Variants in TBC1D16 observed in about 807,000 individuals in gnomAD.
TBC1D16 encodes CTD-2529O21.1.
A neutral mutation model predicts 74.7 loss-of-function variants in TBC1D16; 58 were observed. The observed-to-expected ratio is 0.78, with a 90% CI of 0.63 to 0.97. TBC1D16 has a LOEUF of 0.97. Ranked by LOEUF, TBC1D16 falls within the 50% of genes least tolerant of loss-of-function variation. The pLI, the probability that TBC1D16 is intolerant of heterozygous loss-of-function variation, is 0.00. For synonymous variants in TBC1D16, 493 were observed against 474.7 expected, an observed-to-expected ratio of 1.04 and a Z score of -0.50; for missense variants, 1,014 against 1,079.5, an observed-to-expected ratio of 0.94 and a Z score of 0.85.
In TBC1D16 at chr17:80,009,166, A is replaced by G. The variant is rs2035786575; in HGVS notation, c.779+994T>C. Among the ~76,000 whole-genome samples the G allele has an allele frequency of 6.6e-6, 1 of 152,254 alleles. No individual in the cohort carries two copies. The highest frequency in any genetic ancestry group is 2.4e-5 in the African/African-American group (1 of 41,476). The stretch of plus-strand genomic sequence containing the variant: ...GGCGAGACCCAGACCACCCACGTCC[A>G]GCATGCGCCCGGCTCACACCACGAG... On this transcript the variant is annotated intron_variant, in intron 3 of 11. Coordinates refer to ENST00000310924, the MANE Select transcript of TBC1D16 (RefSeq NM_019020.4). The surrounding 1 kb of genome is among the most constrained non-coding windows in gnomAD (Gnocchi z 5.4).
chr17:79,952,415 C>T (rs1019890705), intron 4 of TBC1D16, among the ~76,000 whole-genome samples: 1 of 152,242 alleles, frequency 6.6e-6, no homozygotes, highest in Non-Finnish European at 1.5e-5. Context: ...CAACCGCTGG[C>T]TACCATCACG....
intron 3 of TBC1D16, among the ~76,000 whole-genome samples, chr17:79,972,079 T>C (rs1631707): frequency 0.77 from 116,588 of 152,168 alleles, 45,307 homozygotes; most frequent in East Asian, 0.93. Context: ...GGCCAGAGGC[T>C]GAAGCAGCCC....
chr17:79,937,594 C>G lies in TBC1D16; in HGVS notation c.*3265G>C, dbSNP rs1305733019. On this transcript the variant is annotated 3_prime_UTR_variant, in exon 12 of 12. Transcript: ENST00000310924. Reference sequence around the variant, plus strand: ...TCCCCCGCAGGGGTGGGCTGGGGCCCTCCCTCCCTCTGTACTTGATCCATG... The same window carrying G: ...TCCCCCGCAGGGGTGGGCTGGGGCCGTCCCTCCCTCTGTACTTGATCCATG... 1 of 152,354 alleles carries G rather than the reference C, an allele frequency of 6.6e-6. No individual in the cohort carries two copies. Among genetic ancestry groups the G allele is most frequent in the Non-Finnish European group, 1.5e-5 (1 of 68,138 alleles). The allele number at this position is 152,354 out of a possible 1,614,324, so 9.4% of individuals were successfully genotyped here.
At chr17:79,945,169 T>G in intron 9 of TBC1D16, 82 bp from the exon 10 acceptor site, 3 of 1,412,668 alleles carry the variant, frequency 2.1e-6, no homozygotes, top group Non-Finnish European at 2.8e-6. Flanking sequence ...ACTGGGGCCC[T>G]TCCCTGGGCC....
chr17:79,955,087 G>C (rs1252661267), intron 3 of TBC1D16, among the ~76,000 whole-genome samples: 2 of 152,210 alleles, frequency 1.3e-5, no homozygotes, highest in South Asian at 4.1e-4. Flanking sequence ...CGTGCCTCCA[G>C]GCAGGAGTTG....
rs1274113017 is a variant in TBC1D16 at position 79,990,560 on chromosome 17, C to T, written c.779+19600G>A. On this transcript the variant is annotated intron_variant, in intron 3 of 11. Coordinates refer to ENST00000310924, the MANE Select transcript of TBC1D16 (RefSeq NM_019020.4). This position sits in a 1 kb window ranked among gnomAD's most constrained non-coding sequence, Gnocchi z 4.8. ...TCCCAGTCACCTTAAAAGGTCTTAA[C>T]TGATTTTTCCTTCTCTCTGTTTATT... Among the ~76,000 whole-genome samples the T allele has an allele frequency of 6.6e-6, 1 of 152,246 alleles. No individual in the cohort carries two copies. The highest frequency in any genetic ancestry group is 1.9e-4 in the East Asian group (1 of 5,198).
At chr17:79,970,209 T>C (rs187437646) in intron 3 of TBC1D16, among the ~76,000 whole-genome samples, 136 of 152,306 alleles carry the variant, frequency 8.9e-4, no homozygotes, top group African/African-American at 3.2e-3. Flanking sequence ...TGATTTCATT[T>C]ATATGAAATA....
chr17:79,951,471 G>A lies in TBC1D16; in HGVS notation c.1068C>T (p.Thr356=), dbSNP rs546279816. 9.3e-6 allele frequency: 15 copies of A among 1,613,700 alleles called. No homozygotes were observed. The highest frequency in any genetic ancestry group is 1.6e-4 in the Middle Eastern group (1 of 6,072). Residue 356 remains threonine (T), a synonymous_variant, in exon 5 of 12, where the codon ACC becomes ACT. Transcript: ENST00000310924. ...SDVFQQWKYC[T]EMQLKDQQVA... ...CTACCTGGTCTTTGAGCTGCATCTC[G>A]GTGCAGTATTTCCACTGCTGGAACA...
rs2031507845 is a variant in TBC1D16, at chr17:79,935,206, C to G, written c.*5653G>C. 6.6e-6 allele frequency: 1 copy of G among 152,370 alleles called. No homozygotes were observed. The highest frequency in any genetic ancestry group is 1.9e-4 in the East Asian group (1 of 5,184). The allele number at this position is 152,370 out of a possible 1,614,324, so 9.4% of individuals were successfully genotyped here. On this transcript the variant is annotated 3_prime_UTR_variant, in exon 12 of 12. Coordinates refer to ENST00000310924, the MANE Select transcript of TBC1D16 (RefSeq NM_019020.4). ...AGGCACTGGGGTGGGAGCGAGGCTC[C>G]CAGTTGCTCAGAGTTAACCGGCCCT...
Position 80,013,465 on chromosome 17 carries a change from C to G in TBC1D16, c.83G>C (p.Gly28Ala), listed in dbSNP as rs1379386289. Residue 28 changes from glycine (G) to alanine (A), a missense_variant, in exon 2 of 12, where the codon GGG (glycine) becomes GCG (alanine). Gly to Ala is a moderately conservative substitution (Grantham distance 60). Transcript: ENST00000310924. ...LTLTPGGSGS[G>A]SPSVLDGEII... Reference sequence around the variant, plus strand: ...CTCTCCATCCAGGACAGAGGGGGACCCGCTGCCGCTGCCACCGGGGGTGAG... The same window carrying G: ...CTCTCCATCCAGGACAGAGGGGGACGCGCTGCCGCTGCCACCGGGGGTGAG... 2 of 1,595,788 alleles carry G rather than the reference C, an allele frequency of 1.3e-6. No individual in the cohort carries two copies. The highest frequency in any genetic ancestry group is 1.7e-6 in the Non-Finnish European group (2 of 1,172,112).
At chr17:79,998,656 C>A (rs1432944737) in intron 3 of TBC1D16, among the ~76,000 whole-genome samples, 2 of 151,564 alleles carry the variant, frequency 1.3e-5, no homozygotes, top group African/African-American at 4.8e-5. Context: ...AGATTGGCTT[C>A]TTCCACGTAG....
chr17:79,945,221 G>C, intron 9 of TBC1D16, 134 bp from the exon 10 acceptor site: 2 of 909,404 alleles, frequency 2.2e-6, no homozygotes, highest in Non-Finnish European at 3.2e-6. Context: ...TCTACCTGCT[G>C]CATGTGCCTG....
chr17:79,992,914 G>A (rs1215363793), intron 3 of TBC1D16: 4 of 152,458 alleles, frequency 2.6e-5, no homozygotes. Context: ...ATTTGTCCAT[G>A]TAACCCCATT....
Position 80,001,099 on chromosome 17 carries a change from G to A in TBC1D16, c.779+9061C>T, listed in dbSNP as rs1319646238. 1.3e-5 allele frequency among the ~76,000 whole-genome samples: 2 copies of A among 152,254 alleles called. No individual in the cohort carries two copies. Among genetic ancestry groups the A allele is most frequent in the Non-Finnish European group, 2.9e-5 (2 of 68,046 alleles). ...CGCCTGACAGTGAGACTGCTGGGGC[G>A]AGGCTATGTCCTGTGGCCATTTCTA... On this transcript the variant is annotated intron_variant, in intron 3 of 11. Coordinates refer to ENST00000310924, the MANE Select transcript of TBC1D16 (RefSeq NM_019020.4). This position sits in a 1 kb window ranked among gnomAD's most constrained non-coding sequence, Gnocchi z 5.8.
intron 5 of TBC1D16, 99 bp downstream of exon 5, chr17:79,951,351 G>T: frequency 6.9e-7 from 1 of 1,443,250 alleles, no homozygotes. Context: ...AGCCCCCGGG[G>T]CCCGGGGACC....
chr17:79,951,950 C>T, intron 4 of TBC1D16: 1 of 194,094 alleles, frequency 5.2e-6, no homozygotes, highest in Non-Finnish European at 1.1e-5. Context: ...TGAGCCCTGG[C>T]AGGCCATGTG....
chr17:80,001,662 T>C lies in TBC1D16; in HGVS notation c.779+8498A>G, dbSNP rs1175754673. 6.6e-6 allele frequency among the ~76,000 whole-genome samples: 1 copy of C among 152,058 alleles called. No homozygotes were observed. The highest frequency in any genetic ancestry group is 1.5e-5 in the Non-Finnish European group (1 of 67,982). Reference sequence around the variant, plus strand: ...CTGGCCATCCCACCTCCGAGGTCTCTCTGGGACCCAGTTGTCCCTCCCCTG... The same window carrying C: ...CTGGCCATCCCACCTCCGAGGTCTCCCTGGGACCCAGTTGTCCCTCCCCTG... On this transcript the variant is annotated intron_variant, in intron 3 of 11. Transcript: ENST00000310924. The surrounding 1 kb of genome is among the most constrained non-coding windows in gnomAD (Gnocchi z 5.8).
chr17:80,018,383 G>A (rs1380430561), intron 1 of TBC1D16, among the ~76,000 whole-genome samples: 4 of 149,086 alleles, frequency 2.7e-5, no homozygotes, highest in Non-Finnish European at 4.4e-5. Flanking sequence ...CCAGGTTCAC[G>A]CCATTCTCCT....
At chr17:79,960,729 C>CAAGAA (rs1245479770) in intron 3 of TBC1D16, among the ~76,000 whole-genome samples, 1 of 136,946 alleles carries the variant, frequency 7.3e-6, no homozygotes, top group African/African-American at 2.8e-5. Context: ...CACTTCAGCC[C>CAAGAA]GAGCGACAGA....
Sources: gnomAD v4.1 joint callset for allele counts (sites outside exome capture counted in the v4.1 genomes callset) on GRCh38, gnomAD v4.1.1 for gene constraint, Gnocchi (gnomAD v3.1) non-coding constraint, MANE v1.5 for transcripts, NCBI Gene and HGNC (gene_info 2026-07-23, HGNC 2026-07-21) for gene names.